NRG1: variants seen among roughly 807,000 people sequenced by gnomAD.
NRG1 encodes pro-neuregulin-1, membrane-bound isoform.
In NRG1, 18 loss-of-function variants were observed where a neutral mutation model predicts 63.8. That is an observed-to-expected ratio of 0.28 (90% CI 0.19 to 0.42). The LOEUF is 0.42. Ranked by LOEUF, NRG1 falls within the 10% of genes least tolerant of loss-of-function variation. The probability of loss-of-function intolerance (pLI) is 1.00; values close to 1 mark genes in which losing one functional copy is unlikely to be tolerated. For missense variants in NRG1, 762 were observed against 814.7 expected, an observed-to-expected ratio of 0.94 and a Z score of 0.79; for synonymous variants, 302 against 301.3, an observed-to-expected ratio of 1.00 and a Z score of -0.02.
intron 1 of NRG1, among the ~76,000 whole-genome samples, chr8:32,527,682 T>G (rs1831007477): frequency 6.6e-6 from 1 of 152,148 alleles, no homozygotes; most frequent in African/African-American, 2.4e-5. Flanking sequence ...ATTAGACATC[T>G]CAAATGACAA....
chr8:32,094,108 G>C (rs781489279), intron 1 of NRG1, among the ~76,000 whole-genome samples: 7 of 152,182 alleles, frequency 4.6e-5, no homozygotes, highest in Non-Finnish European at 8.8e-5. Context: ...CCTGTATCCA[G>C]GAATAAACAG....
At chr8:31,975,195 T>C (rs1379982966) in intron 1 of NRG1, among the ~76,000 whole-genome samples, 1 of 152,184 alleles carries the variant, frequency 6.6e-6, no homozygotes, top group East Asian at 1.9e-4. Context: ...TCATGTAATA[T>C]CATCCCCACT....
chr8:31,652,903 T>G (rs904903312), intron 1 of NRG1, among the ~76,000 whole-genome samples: 9 of 149,878 alleles, frequency 6.0e-5, no homozygotes, highest in African/African-American at 2.2e-4. Context: ...CTTTCTTCCC[T>G]CTTTCTCCCT....
At chr8:31,811,300 A>G (rs753918850) in intron 1 of NRG1, among the ~76,000 whole-genome samples, 26 of 152,158 alleles carry the variant, frequency 1.7e-4, no homozygotes, top group Non-Finnish European at 3.2e-4. Context: ...CACTTCTAGT[A>G]GATTTCTCCT....
At chr8:32,301,372 C>T (rs1461087996) in intron 1 of NRG1, among the ~76,000 whole-genome samples, 1 of 152,180 alleles carries the variant, frequency 6.6e-6, no homozygotes, top group African/African-American at 2.4e-5. Flanking sequence ...TACCTGCAGA[C>T]AGAGGCAATA....
intron 1 of NRG1, among the ~76,000 whole-genome samples, chr8:32,077,183 A>G (rs946133854): frequency 7.2e-5 from 11 of 152,228 alleles, no homozygotes; most frequent in Admixed American, 5.2e-4. Context: ...CCTGGCCAAC[A>G]TGGTGAAACC....
At chr8:32,147,400 G>A (rs1336268290) in intron 1 of NRG1, among the ~76,000 whole-genome samples, 1 of 152,154 alleles carries the variant, frequency 6.6e-6, no homozygotes, top group Non-Finnish European at 1.5e-5. Context: ...ATATAGAACT[G>A]TACATACAAT....
At chr8:32,433,192 C>A (rs1489809785) in intron 1 of NRG1, among the ~76,000 whole-genome samples, 2 of 152,072 alleles carry the variant, frequency 1.3e-5, no homozygotes, top group Non-Finnish European at 2.9e-5. Context: ...GAGAACTAGG[C>A]AGCATTGCAT....
chr8:31,917,981 G>A (rs902362948), intron 1 of NRG1, among the ~76,000 whole-genome samples: 1 of 152,178 alleles, frequency 6.6e-6, no homozygotes, highest in African/African-American at 2.4e-5. Context: ...GTGAATGGGA[G>A]TTCACTCATG....
chr8:31,902,602 G>T (rs1053180850), intron 1 of NRG1, among the ~76,000 whole-genome samples: 1 of 151,948 alleles, frequency 6.6e-6, no homozygotes. Context: ...AAAAGGATGG[G>T]TACAAAAGTC....
intron 1 of NRG1, among the ~76,000 whole-genome samples, chr8:32,591,835 G>C (rs940032029): frequency 6.6e-6 from 1 of 151,970 alleles, no homozygotes; most frequent in African/African-American, 2.4e-5. Context: ...ACTGCCAGTT[G>C]GGTACTATGC....
intron 1 of NRG1, among the ~76,000 whole-genome samples, chr8:32,327,258 A>G (rs901697329): frequency 6.6e-6 from 1 of 152,238 alleles, no homozygotes; most frequent in African/African-American, 2.4e-5. Flanking sequence ...TATGTGAACA[A>G]TATTGACTTA....
At chr8:32,108,036 T>G (rs2131417470) in intron 1 of NRG1, among the ~76,000 whole-genome samples, 1 of 152,236 alleles carries the variant, frequency 6.6e-6, no homozygotes, top group South Asian at 2.1e-4. Flanking sequence ...GTACTATGAT[T>G]ATATCTATAT....
chr8:32,748,356 CACAGAGAGAGAGAG>C (rs1372489579), intron 7 of NRG1, among the ~76,000 whole-genome samples: 36 of 81,070 alleles, frequency 4.4e-4, no homozygotes, highest in African/African-American at 1.4e-3. Context: ...CACACACACA[CACAGAGAGAGAGAG>C]AGAGAGAGAG....
At chr8:31,854,301 G>T (rs1466719058) in intron 1 of NRG1, among the ~76,000 whole-genome samples, 1 of 152,152 alleles carries the variant, frequency 6.6e-6, no homozygotes, top group Non-Finnish European at 1.5e-5. Context: ...CCTGTTATTG[G>T]TCTACTCAGA....
At chr8:32,640,644 ACAC>A (rs1171635707) in intron 5 of NRG1, among the ~76,000 whole-genome samples, 5 of 151,582 alleles carry the variant, frequency 3.3e-5, no homozygotes, top group African/African-American at 1.2e-4. Flanking sequence ...ACACACACAC[ACAC>A]ACACACACAC....
intron 1 of NRG1, among the ~76,000 whole-genome samples, chr8:32,138,502 C>G (rs150692076): frequency 1.3e-5 from 2 of 152,038 alleles, no homozygotes; most frequent in African/African-American, 4.8e-5. Context: ...TTGGTATGCA[C>G]AATTCTGCTG....
intron 1 of NRG1, among the ~76,000 whole-genome samples, chr8:31,691,172 G>A (rs975962127): frequency 2.0e-5 from 3 of 152,148 alleles, no homozygotes; most frequent in African/African-American, 7.2e-5. Flanking sequence ...GTGGATAAAT[G>A]CCCAAAGAGG....
intron 1 of NRG1, among the ~76,000 whole-genome samples, chr8:32,532,766 C>A (rs930992001): frequency 1.3e-5 from 2 of 151,776 alleles, no homozygotes; most frequent in African/African-American, 4.8e-5. Context: ...TTTAAAAGGC[C>A]TCCCAACAAA....
Sources: allele counts gnomAD v4.1 joint callset (sites outside exome capture counted in the v4.1 genomes callset), GRCh38; gene constraint gnomAD v4.1.1; transcripts MANE v1.5; gene names NCBI Gene and HGNC (gene_info 2026-07-23, HGNC 2026-07-21).